Variants in SH3TC2 observed in about 807,000 individuals in gnomAD.
SH3TC2 encodes the protein SH3 domain and tetratricopeptide repeats 2.
SH3TC2 carries 87 observed loss-of-function variants against 124.5 expected under a neutral mutation model. The observed-to-expected ratio is 0.70, with a 90% confidence interval of 0.59 to 0.84. The LOEUF is 0.84. Ranked by LOEUF, SH3TC2 falls within the 40% of genes least tolerant of loss-of-function variation. SH3TC2 has a pLI of 0.00. For missense variants in SH3TC2, 1,536 were observed against 1,566.4 expected (o/e 0.98, Z 0.33); for synonymous variants, 634 against 628.5 (o/e 1.01, Z -0.13).
At position 149,038,375 on chromosome 5, in the gene SH3TC2, C is replaced by T; in HGVS notation, c.921G>A (p.Trp307Ter). Residue 307 changes from tryptophan to a stop codon, truncating the protein, a stop_gained, in exon 8 of 17, where the codon TGG becomes TGA. Transcript: ENST00000515425. LOFTEE classifies it high-confidence loss of function. Reference sequence around the variant, plus strand: ...CTGAACTTGTCGACTTTCCAATGAACCACTGAAGCCCAGGTATGACAAAGC... The same window carrying T: ...CTGAACTTGTCGACTTTCCAATGAATCACTGAAGCCCAGGTATGACAAAGC... ...IIGFVIPGLQWFIGKSTSSGQ... is the reference protein window; with the variant it reads ...IIGFVIPGLQ 1 of 1,614,206 alleles carries T rather than the reference C, an allele frequency of 6.2e-7. No homozygotes were observed. Among genetic ancestry groups the T allele is most frequent in the African/African-American group, 1.3e-5 (1 of 75,058 alleles).
rs1754081317 is a variant in SH3TC2 at position 149,027,178 on chromosome 5, C to A, written c.2554G>T (p.Val852Leu). Residue 852 changes from valine (V) to leucine (L), a missense_variant, in exon 11 of 17, where the codon GTG (valine) becomes TTG (leucine). Val to Leu is a conservative substitution (Grantham distance 32, BLOSUM62 1). This residue lies in a region of SH3TC2 where 1,102 missense variants were observed against 1,098.6 expected (regional missense o/e 1.00). Transcript: ENST00000515425. ...LGLALQGEGR[V>L]NRAAKSYLRA... is the part of the protein sequence containing the mutation. ...AGATAGCTCTTGGCTGCCCTGTTCA[C>A]CCGGCCTTCACCTTGGAGTGCAAGT... The A allele has an allele frequency of 3.7e-6, 6 of 1,614,210 alleles. No homozygotes were observed. Among genetic ancestry groups the A allele is most frequent in the Non-Finnish European group, 5.1e-6 (6 of 1,180,046 alleles).
Position 149,000,265 on chromosome 5 carries a change from C to G in SH3TC2, c.*4446G>C, listed in dbSNP as rs186152591. On this transcript the variant is annotated 3_prime_UTR_variant, in exon 17 of 17. Coordinates refer to ENST00000515425, the MANE Select transcript of SH3TC2 (RefSeq NM_024577.4). The stretch of plus-strand genomic sequence containing the variant: ...CCTGGCATTGAATGACACTGACCCT[C>G]CTCAGAAGGAGCTCAGTCCTCTTCC... Among the ~76,000 whole-genome samples the G allele has an allele frequency of 1.1e-4, 17 of 152,316 alleles. No homozygotes were observed. The East Asian group carries it at 3.3e-3, about 29-fold the overall frequency.
At chr5:149,042,000 G>C (rs1229851299) in intron 5 of SH3TC2, among the ~76,000 whole-genome samples, 1 of 152,158 alleles carries the variant, frequency 6.6e-6, no homozygotes, top group Non-Finnish European at 1.5e-5. Flanking sequence ...AAATTAGTTT[G>C]GGTGAATATA....
chr5:149,007,084 A>T lies in SH3TC2; in HGVS notation c.3479-7T>A, dbSNP rs781474168. On this transcript the variant is annotated splice_polypyrimidine_tract_variant and splice_region_variant and intron_variant, in intron 15 of 16. Coordinates refer to ENST00000515425, the MANE Select transcript of SH3TC2 (RefSeq NM_024577.4). ...AGCTCTTGCCTCTGATCTCCTAAGAATTGGAAGACTGAGAGAGATATCCTG... is the reference window on the plus strand; with the variant it reads ...AGCTCTTGCCTCTGATCTCCTAAGATTTGGAAGACTGAGAGAGATATCCTG... 6.2e-7 allele frequency: 1 copy of T among 1,613,886 alleles called. No homozygotes were observed. Among genetic ancestry groups the T allele is most frequent in the Non-Finnish European group, 8.5e-7 (1 of 1,179,754 alleles).
At chr5:149,062,209 CA>C (rs951940337) in intron 1 of SH3TC2, 1 of 408,734 alleles carries the variant, frequency 2.4e-6, no homozygotes, top group African/African-American at 2.1e-5. Context: ...CTCCCCCCAC[CA>C]ATCTAACCCC....
rs187685312 is a variant in SH3TC2, at chr5:148,992,719, C to A, written c.*11992G>T. Among the ~76,000 whole-genome samples the A allele has an allele frequency of 5.4e-4, 79 of 146,786 alleles. No individual in the cohort carries two copies. The highest frequency in any genetic ancestry group is 1.7e-3 in the African/African-American group (70 of 40,012). ...GGAGATGGACTTGTCCCAGTATACA[C>A]AAGGAGTGACAGAACTAGGTTCAGA... On this transcript the variant is annotated 3_prime_UTR_variant, in exon 17 of 17. Coordinates refer to ENST00000515425, the MANE Select transcript of SH3TC2 (RefSeq NM_024577.4).
rs552962885 is a variant in SH3TC2, at chr5:148,989,822, AGAGAAGAACTATATAGCAACCAG to A, written c.*14866_*14888del. Among the ~76,000 whole-genome samples, 1 of 152,302 alleles carries A rather than the reference AGAGAAGAACTATATAGCAACCAG, an allele frequency of 6.6e-6. No homozygotes were observed. The highest frequency in any genetic ancestry group is 1.5e-5 in the Non-Finnish European group (1 of 68,026). The stretch of plus-strand genomic sequence containing the variant: ...TCAGAAGCAGCTGGAATGAACGGAG[AGAGAAGAACTATATAGCAACCAG>A]GACATTTGGGAAATGTCCCTATGAA... On this transcript the variant is annotated 3_prime_UTR_variant, in exon 17 of 17. Coordinates refer to ENST00000515425, the MANE Select transcript of SH3TC2 (RefSeq NM_024577.4).
chr5:148,987,049 A>T lies in SH3TC2; in HGVS notation c.*17662T>A, dbSNP rs556308084. Among the ~76,000 whole-genome samples, 1 of 152,242 alleles carries T rather than the reference A, an allele frequency of 6.6e-6. No homozygotes were observed. The highest frequency in any genetic ancestry group is 2.4e-5 in the African/African-American group (1 of 41,464). On this transcript the variant is annotated 3_prime_UTR_variant, in exon 17 of 17. Coordinates refer to ENST00000515425, the MANE Select transcript of SH3TC2 (RefSeq NM_024577.4). ...CAGCTAATGTATTTCATGGTAGTTC[A>T]TTGTGCTTAATTCTCTAATCTGAAA...
chr5:149,057,208 A>T (rs1367844846), intron 1 of SH3TC2, among the ~76,000 whole-genome samples: 1 of 152,212 alleles, frequency 6.6e-6, no homozygotes, highest in Non-Finnish European at 1.5e-5. Context: ...TTGCCCCAGT[A>T]ATATCAGTAA....
At chr5:149,028,837 C>T in intron 9 of SH3TC2, 119 bp from the exon 10 acceptor site, 1 of 986,768 alleles carries the variant, frequency 1.0e-6, no homozygotes, top group South Asian at 1.3e-5. Context: ...GACCTTCAGT[C>T]ATCATTAAGG....
intron 8 of SH3TC2, among the ~76,000 whole-genome samples, chr5:149,037,690 G>C (rs36069): frequency 0.28 from 42,188 of 152,072 alleles, 6,461 homozygotes; most frequent in African/African-American, 0.39. Context: ...AGCAATACCC[G>C]ATATCTCTGT....
In SH3TC2 at chr5:149,004,731, C is replaced by G. The variant is rs370844006; in HGVS notation, c.3847G>C (p.Gly1283Arg). The change falls in exon 17 of 17, where the codon GGT becomes CGT. Residue 1283 changes from glycine (G) to arginine (R), a missense_variant. This residue lies in a region of SH3TC2 where 426 missense variants were observed against 443.5 expected (regional missense o/e 0.96). Transcript: ENST00000515425. ...CSSERARWLS[G>R]GGLAL ...TTTCCTCAGAGGGCCAGGCCACCAC[C>G]ACTCAGCCACCGCGCCCTCTCTGAG... is the stretch of plus-strand genomic sequence containing the variant. The G allele has an allele frequency of 5.0e-6, 8 of 1,613,410 alleles. No homozygotes were observed. In the African/African-American group the frequency reaches 1.1e-4, roughly 22 times the overall value.
Position 148,986,604 on chromosome 5 carries a change from T to C in SH3TC2, c.*18107A>G, listed in dbSNP as rs1479732372. Among the ~76,000 whole-genome samples the C allele has an allele frequency of 6.6e-6, 1 of 152,232 alleles. No individual in the cohort carries two copies. Among genetic ancestry groups the C allele is most frequent in the East Asian group, 1.9e-4 (1 of 5,198 alleles). On this transcript the variant is annotated 3_prime_UTR_variant, in exon 17 of 17. Transcript: ENST00000515425. ...TAATAAATGCTTGTTGAATTATCAT[T>C]TTAAAAGTGAACTTCAATTAGATTA...
At chr5:149,042,919 C>T (rs1472622189) in intron 4 of SH3TC2, 82 bp from the exon 5 acceptor site, 7 of 1,554,170 alleles carry the variant, frequency 4.5e-6, no homozygotes, top group Non-Finnish European at 6.2e-6. Flanking sequence ...AAAATTCCCT[C>T]CTGAGCTTGA....
At position 148,995,663 on chromosome 5, in the gene SH3TC2, A is replaced by G. The variant is rs1753498172; in HGVS notation, c.*9048T>C. On this transcript the variant is annotated 3_prime_UTR_variant, in exon 17 of 17. Transcript: ENST00000515425. ...CCCTGAAGGTCAAAACCCAAGTCCAACATTTCATTCCTTTATTTTTTTATT... is the reference window on the plus strand; with the variant it reads ...CCCTGAAGGTCAAAACCCAAGTCCAGCATTTCATTCCTTTATTTTTTTATT... Among the ~76,000 whole-genome samples, 1 of 152,158 alleles carries G rather than the reference A, an allele frequency of 6.6e-6. No homozygotes were observed. The highest frequency in any genetic ancestry group is 6.5e-5 in the Admixed American group (1 of 15,280).
chr5:149,022,982 G>A (rs1754001861), intron 12 of SH3TC2, among the ~76,000 whole-genome samples: 1 of 152,164 alleles, frequency 6.6e-6, no homozygotes, highest in South Asian at 2.1e-4. Context: ...ACACAACTGT[G>A]TGAATATACT....
Position 149,028,210 on chromosome 5 carries a change from C to T in SH3TC2, c.1522G>A (p.Val508Met), listed in dbSNP as rs148155691. ...TTTCTTGATGCCTCCAGGTAGGCCA[C>T]AAACTCATCCTCCTCAGAGAAGCTA... is the stretch of plus-strand genomic sequence containing the variant. ...FYSFSEEDEF[V>M]AYLEASRKWA... The change falls in exon 11 of 17, where the codon GTG (valine) becomes ATG (methionine). Residue 508 changes from valine (V) to methionine (M), a missense_variant. Physicochemically the swap from Val to Met is conservative, Grantham distance 21. Coordinates refer to ENST00000515425, the MANE Select transcript of SH3TC2 (RefSeq NM_024577.4). The T allele has an allele frequency of 6.9e-5, 111 of 1,614,058 alleles. No individual in the cohort carries two copies. In the African/African-American group the frequency reaches 1.2e-3, roughly 17 times the overall value.
rs964209275 is a variant in SH3TC2 at position 148,999,265 on chromosome 5, A to G, written c.*5446T>C. 1.1e-4 allele frequency among the ~76,000 whole-genome samples: 16 copies of G among 152,220 alleles called. No individual in the cohort carries two copies. Among genetic ancestry groups the G allele is most frequent in the African/African-American group, 3.9e-4 (16 of 41,452 alleles). ...CAATGTCAAGGCTTACATGCCTCCA[A>G]AGATGGATTTCCTTTTTAGCCATTT... On this transcript the variant is annotated 3_prime_UTR_variant, in exon 17 of 17. Coordinates refer to ENST00000515425, the MANE Select transcript of SH3TC2 (RefSeq NM_024577.4).
In SH3TC2 at chr5:149,000,595, T is replaced by C. The variant is rs1753581214; in HGVS notation, c.*4116A>G. Among the ~76,000 whole-genome samples the C allele has an allele frequency of 6.6e-6, 1 of 152,166 alleles. No individual in the cohort carries two copies. The highest frequency in any genetic ancestry group is 2.4e-5 in the African/African-American group (1 of 41,420). The stretch of plus-strand genomic sequence containing the variant: ...AAAAGAAGTAAATCAATTTAGAAAA[T>C]GTTTTGTAAAGGCTCTTTGGTGCAT... On this transcript the variant is annotated 3_prime_UTR_variant, in exon 17 of 17. Transcript: ENST00000515425.
Sources: allele counts gnomAD v4.1 joint callset (sites outside exome capture counted in the v4.1 genomes callset), GRCh38; gene constraint gnomAD v4.1.1; regional missense constraint gnomAD v4.1.1; transcripts MANE v1.5; gene names NCBI Gene and HGNC (gene_info 2026-07-23, HGNC 2026-07-21).